The following TMTC1 variants were observed in gnomAD, a reference collection of about 807,000 sequenced individuals.
The protein encoded by TMTC1 is protein O-mannosyl-transferase TMTC1.
TMTC1 carries 73 observed loss-of-function variants against 104.8 expected under a neutral mutation model. The ratio of observed to expected loss-of-function variants is 0.70; its 90% CI spans 0.58 to 0.85. The LOEUF (loss-of-function observed/expected upper bound fraction) is 0.85. Among genes scored for constraint, TMTC1 ranks in the 40% least tolerant of loss-of-function variants. The probability of loss-of-function intolerance (pLI) is 0.00; values close to 1 mark genes in which losing one functional copy is unlikely to be tolerated. For synonymous variants in TMTC1, 434 were observed against 428.7 expected, an observed-to-expected ratio of 1.01 and a Z score of -0.15; for missense variants, 1,035 against 1,096.1, an observed-to-expected ratio of 0.94 and a Z score of 0.79.
At position 29,757,276 on chromosome 12, in the gene TMTC1, C is replaced by A. The variant is rs1046260965; in HGVS notation, c.555-1391G>T. ...TTTGTAACAGGTTTCTCAATCATAG[C>A]CCCACTGGCATTTTCTGCCAGATAA... On this transcript the variant is annotated intron_variant, in intron 3 of 17. Transcript: ENST00000539277. Among the ~76,000 whole-genome samples, 36 of 152,174 alleles carry A rather than the reference C, an allele frequency of 2.4e-4. 2 individuals are homozygous for A. Among genetic ancestry groups the A allele is most frequent in the Middle Eastern group, 3.2e-3 (1 of 316 alleles).
At chr12:29,572,391 C>T (rs1945703941) in intron 8 of TMTC1, among the ~76,000 whole-genome samples, 173 bp from the exon 9 acceptor site, 1 of 152,178 alleles carries the variant, frequency 6.6e-6, no homozygotes, top group Non-Finnish European at 1.5e-5. Context: ...ATTTACTAAA[C>T]GTTGCTTTCT....
chr12:29,740,200 G>A (rs530405955), intron 5 of TMTC1, among the ~76,000 whole-genome samples: 4 of 152,206 alleles, frequency 2.6e-5, no homozygotes, highest in South Asian at 2.1e-4. Flanking sequence ...AAAATTTTGA[G>A]GAGATGGGGT....
chr12:29,604,364 C>T, intron 6 of TMTC1, 65 bp from the exon 7 acceptor site: 1 of 1,599,702 alleles, frequency 6.3e-7, no homozygotes, highest in South Asian at 1.1e-5. Context: ...CAGCATTTAA[C>T]CATCTCCTTC....
At chr12:29,646,182 G>A (rs75959604) in intron 5 of TMTC1, among the ~76,000 whole-genome samples, 6,297 of 152,296 alleles carry the variant, frequency 0.041, 170 homozygotes, top group Admixed American at 0.066. Flanking sequence ...CTTCATCAGT[G>A]CAGCCCAGAA....
intron 5 of TMTC1, among the ~76,000 whole-genome samples, chr12:29,749,954 G>A (rs923653548): frequency 1.3e-5 from 2 of 151,874 alleles, no homozygotes; most frequent in African/African-American, 4.8e-5. Context: ...CTCAGCTTGT[G>A]TGAAAGCCTC....
intron 4 of TMTC1, 141 bp from the exon 5 acceptor site, chr12:29,752,013 A>G: frequency 1.3e-6 from 1 of 759,604 alleles, no homozygotes; most frequent in Non-Finnish European, 2.1e-6. Flanking sequence ...TGTGTTTCTG[A>G]TATTTACTGC....
chr12:29,765,728 T>C (rs973779082), intron 2 of TMTC1, among the ~76,000 whole-genome samples: 1 of 152,318 alleles, frequency 6.6e-6, no homozygotes, highest in East Asian at 1.9e-4. Context: ...TTCAGTAAGT[T>C]CAGTTGTCTG....
intron 5 of TMTC1, among the ~76,000 whole-genome samples, chr12:29,694,391 G>C (rs1941353148): frequency 6.6e-6 from 1 of 150,926 alleles, no homozygotes; most frequent in Admixed American, 6.6e-5. Context: ...TATAAAATGG[G>C]GCAGTATTTG....
At chr12:29,619,555 G>A (rs1169532175) in intron 6 of TMTC1, among the ~76,000 whole-genome samples, 1 of 152,194 alleles carries the variant, frequency 6.6e-6, no homozygotes, top group East Asian at 1.9e-4. Context: ...ATACTGAGGG[G>A]AATGGAGAAA....
At chr12:29,661,141 T>C (rs1323102441) in intron 5 of TMTC1, among the ~76,000 whole-genome samples, 4 of 152,168 alleles carry the variant, frequency 2.6e-5, no homozygotes, top group Admixed American at 2.6e-4. Context: ...TAATAGTATC[T>C]ACCTCACAGG....
intron 6 of TMTC1, among the ~76,000 whole-genome samples, chr12:29,619,960 G>A (rs960034976): frequency 6.6e-6 from 1 of 152,206 alleles, no homozygotes; most frequent in Non-Finnish European, 1.5e-5. Context: ...GTGGGGAGGA[G>A]AGCATTAACT....
intron 4 of TMTC1, among the ~76,000 whole-genome samples, chr12:29,753,508 T>C (rs765402152): frequency 2.6e-5 from 4 of 152,258 alleles, no homozygotes; most frequent in African/African-American, 4.8e-5. Flanking sequence ...GGATACTTTC[T>C]GTGCCTCTGT....
intron 3 of TMTC1, among the ~76,000 whole-genome samples, chr12:29,758,401 G>A (rs982094383): frequency 1.3e-5 from 2 of 152,196 alleles, no homozygotes; most frequent in East Asian, 1.9e-4. Context: ...TTTTGGCTTA[G>A]AGCGAAGATT....
At chr12:29,549,277 C>T (rs1013742331) in intron 10 of TMTC1, among the ~76,000 whole-genome samples, 1 of 151,538 alleles carries the variant, frequency 6.6e-6, no homozygotes. Flanking sequence ...TGAAAATATC[C>T]AGATGCCAAA....
At chr12:29,594,679 T>C (rs1438140570) in intron 7 of TMTC1, among the ~76,000 whole-genome samples, 1 of 152,160 alleles carries the variant, frequency 6.6e-6, no homozygotes, top group Non-Finnish European at 1.5e-5. Flanking sequence ...GAGGCTGAAA[T>C]GGCAACACTT....
At chr12:29,741,569 C>A (rs117758840) in intron 5 of TMTC1, among the ~76,000 whole-genome samples, 1 of 152,238 alleles carries the variant, frequency 6.6e-6, no homozygotes, top group East Asian at 1.9e-4. Context: ...CAAGTAACAC[C>A]CACTAGCCAG....
intron 11 of TMTC1, among the ~76,000 whole-genome samples, chr12:29,523,310 G>A (rs978954638): frequency 6.6e-6 from 1 of 152,196 alleles, no homozygotes; most frequent in African/African-American, 2.4e-5. Flanking sequence ...GGTCAGGGAG[G>A]ATTTACAGAC....
At chr12:29,711,993 C>T (rs947094958) in intron 5 of TMTC1, among the ~76,000 whole-genome samples, 2 of 106,510 alleles carry the variant, frequency 1.9e-5, no homozygotes, top group Non-Finnish European at 3.4e-5. Flanking sequence ...GGAGACAGAG[C>T]AAGACTCCAT....
At chr12:29,546,113 A>AAAGC (rs1944935425) in intron 10 of TMTC1, among the ~76,000 whole-genome samples, 2 of 152,336 alleles carry the variant, frequency 1.3e-5, no homozygotes, top group South Asian at 4.1e-4. Flanking sequence ...GATGTGGCAG[A>AAAGC]AAGCACTGGC....
Sources: allele counts gnomAD v4.1 joint callset (sites outside exome capture counted in the v4.1 genomes callset), GRCh38; gene constraint gnomAD v4.1.1; transcripts MANE v1.5; gene names NCBI Gene and HGNC (gene_info 2026-07-23, HGNC 2026-07-21).